NLGN1: variants seen among roughly 807,000 people sequenced by gnomAD.
The protein encoded by NLGN1 is neuroligin 1.
Under a neutral mutation model 65.5 loss-of-function variants are expected in NLGN1, and 12 were observed. That is an observed-to-expected ratio of 0.18 (90% confidence interval 0.12 to 0.30). The LOEUF is 0.30. Ranked by LOEUF, NLGN1 falls within the 10% of genes least tolerant of loss-of-function variation. The probability of loss-of-function intolerance (pLI) is 1.00; values close to 1 mark genes in which losing one functional copy is unlikely to be tolerated. For synonymous variants in NLGN1, 350 were observed against 359.5 expected (o/e 0.97, Z 0.30); for missense variants, 750 against 1,007.1 (o/e 0.74, Z 3.46).
chr3:173,484,234 C>T (rs535221147), intron 2 of NLGN1, among the ~76,000 whole-genome samples: 1 of 151,934 alleles, frequency 6.6e-6, no homozygotes, highest in South Asian at 2.1e-4. Flanking sequence ...GATATTTTAC[C>T]ACCTATATTG....
chr3:174,232,205 G>C (rs1418421035), intron 4 of NLGN1, among the ~76,000 whole-genome samples: 2 of 152,130 alleles, frequency 1.3e-5, no homozygotes, highest in Admixed American at 6.5e-5. Flanking sequence ...AAGGGGGGTT[G>C]TTCTCTGGCG....
At chr3:173,694,280 A>T (rs1378938173) in intron 3 of NLGN1, among the ~76,000 whole-genome samples, 1 of 152,172 alleles carries the variant, frequency 6.6e-6, no homozygotes, top group African/African-American at 2.4e-5. Flanking sequence ...GGAACAAGAT[A>T]TGACAAGATG....
chr3:173,539,795 T>TAACACACATATATGTACATATATAACAC (rs762360150), intron 2 of NLGN1, among the ~76,000 whole-genome samples: 4 of 84,088 alleles, frequency 4.8e-5, no homozygotes, highest in African/African-American at 2.5e-4. Flanking sequence ...TGTACATATA[T>TAACACACATATATGTACATATATAACAC]ACATATATAT....
rs886698527 is a variant in NLGN1 at position 174,183,744 on chromosome 3, T to G, written c.647-91571T>G. Among the ~76,000 whole-genome samples, 3 of 152,114 alleles carry G rather than the reference T, an allele frequency of 2.0e-5. No homozygotes were observed. In the South Asian group the frequency reaches 6.2e-4, roughly 31 times the overall value. ...AACTGCCCTAAAAAGTCCAACCAAATTTTAGCTCATTCCCAGAAAGCAGTA... is the reference window on the plus strand; with the variant it reads ...AACTGCCCTAAAAAGTCCAACCAAAGTTTAGCTCATTCCCAGAAAGCAGTA... On this transcript the variant is annotated intron_variant, in intron 4 of 6. Transcript: ENST00000457714.
chr3:173,788,142 A>G (rs369941870), intron 3 of NLGN1, among the ~76,000 whole-genome samples: 1 of 150,160 alleles, frequency 6.7e-6, no homozygotes, highest in African/African-American at 2.5e-5. Context: ...GAGTTCTGTG[A>G]CATTTTACCT....
chr3:173,463,553 A>G (rs1159438101), intron 2 of NLGN1, among the ~76,000 whole-genome samples: 1 of 152,168 alleles, frequency 6.6e-6, no homozygotes, highest in Non-Finnish European at 1.5e-5. Flanking sequence ...TATTGTCATT[A>G]TCATCATCGT....
At chr3:174,084,397 A>G (rs1462719616) in intron 4 of NLGN1, among the ~76,000 whole-genome samples, 1 of 152,144 alleles carries the variant, frequency 6.6e-6, no homozygotes, top group Non-Finnish European at 1.5e-5. Context: ...TTCACATAGA[A>G]ATTTTCTCCA....
intron 3 of NLGN1, among the ~76,000 whole-genome samples, chr3:173,628,091 G>C (rs944484015): frequency 4.6e-5 from 7 of 152,092 alleles, no homozygotes; most frequent in African/African-American, 1.7e-4. Flanking sequence ...AAAATAGTCC[G>C]TACTGACTGG....
intron 3 of NLGN1, among the ~76,000 whole-genome samples, chr3:173,697,752 A>T (rs1226773120): frequency 1.3e-5 from 2 of 151,852 alleles, no homozygotes; most frequent in Non-Finnish European, 2.9e-5. Context: ...CTGGTCTCGA[A>T]CTCCTGACCT....
chr3:173,830,784 T>G (rs79424487), intron 4 of NLGN1, among the ~76,000 whole-genome samples: 1,769 of 152,308 alleles, frequency 0.012, 20 homozygotes, highest in Middle Eastern at 0.024. Flanking sequence ...AACTGTCATA[T>G]GTACTAGCCG....
rs1319851077 is a variant in NLGN1 at position 173,465,084 on chromosome 3, G to A, written c.-321+30006G>A. On this transcript the variant is annotated intron_variant, in intron 2 of 6. Coordinates refer to ENST00000457714, the Ensembl canonical transcript of NLGN1. ...TTATAATTCCACTTCCTGATAATAC[G>A]CTTAGGCATTTCTCGCAGAGGAATT... Among the ~76,000 whole-genome samples the A allele has an allele frequency of 2.6e-5, 4 of 152,122 alleles. No homozygotes were observed. The South Asian group carries it at 6.2e-4, about 24-fold the overall frequency.
At chr3:174,206,337 C>G (rs935938479) in intron 4 of NLGN1, among the ~76,000 whole-genome samples, 2 of 152,158 alleles carry the variant, frequency 1.3e-5, no homozygotes, top group African/African-American at 4.8e-5. Context: ...CAACTTCAAG[C>G]CACCAAGGTC....
intron 2 of NLGN1, among the ~76,000 whole-genome samples, chr3:173,455,958 A>G (rs752168926): frequency 2.6e-4 from 40 of 152,210 alleles, no homozygotes; most frequent in Non-Finnish European, 4.9e-4. Flanking sequence ...CCCAGCTTAT[A>G]CTATCAGGCA....
At chr3:173,786,618 CTACTGCCGTGCTTAATAGTA>C (rs1208569052) in intron 3 of NLGN1, among the ~76,000 whole-genome samples, 2 of 152,138 alleles carry the variant, frequency 1.3e-5, no homozygotes, top group African/African-American at 4.8e-5. Context: ...AAATCAAACA[CTACTGCCGTGCTTAATAGTA>C]TATGAATCAT....
chr3:173,959,211 C>G (rs1453211190), intron 4 of NLGN1, among the ~76,000 whole-genome samples: 1 of 152,256 alleles, frequency 6.6e-6, no homozygotes, highest in East Asian at 1.9e-4. Context: ...GTGGTTGCAG[C>G]TGCACTTGGA....
At chr3:173,427,196 G>A (rs1716261452) in intron 1 of NLGN1, among the ~76,000 whole-genome samples, 1 of 151,544 alleles carries the variant, frequency 6.6e-6, no homozygotes, top group African/African-American at 2.4e-5. Flanking sequence ...GATATTACTT[G>A]GGTCTTTGTT....
chr3:174,273,907 G>T (rs1220945253), intron 4 of NLGN1, among the ~76,000 whole-genome samples: 5 of 143,814 alleles, frequency 3.5e-5, no homozygotes, highest in Non-Finnish European at 6.2e-5. Context: ...ATTCAGTTTG[G>T]TTATGGATTT....
chr3:173,518,258 C>T (rs1260639393), intron 2 of NLGN1, among the ~76,000 whole-genome samples: 1 of 151,528 alleles, frequency 6.6e-6, no homozygotes, highest in Non-Finnish European at 1.5e-5. Context: ...ACATTTTTTT[C>T]CTAAGATTAA....
At chr3:173,541,979 A>G (rs1453865107) in intron 2 of NLGN1, among the ~76,000 whole-genome samples, 1 of 152,000 alleles carries the variant, frequency 6.6e-6, no homozygotes, top group Non-Finnish European at 1.5e-5. Flanking sequence ...ATTATCTTCT[A>G]ATATTTATTT....
Sources: allele counts gnomAD v4.1 joint callset (sites outside exome capture counted in the v4.1 genomes callset), GRCh38; gene constraint gnomAD v4.1.1; transcripts MANE v1.5; gene names NCBI Gene and HGNC (gene_info 2026-07-23, HGNC 2026-07-21).